RBM6: variants seen among roughly 807,000 people sequenced by gnomAD.
RBM6 encodes the protein RNA-binding protein 6.
RBM6 carries 23 observed loss-of-function variants against 140.4 expected under a neutral mutation model. That is an observed-to-expected ratio of 0.16 (90% confidence interval 0.12 to 0.23). The LOEUF (loss-of-function observed/expected upper bound fraction) is 0.23, where lower values mean the gene tolerates loss of function less well. Among genes scored for constraint, RBM6 ranks in the 10% least tolerant of loss-of-function variants. The probability of loss-of-function intolerance (pLI) is 1.00; values close to 1 mark genes in which losing one functional copy is unlikely to be tolerated. For missense variants in RBM6, 1,139 were observed against 1,386.7 expected (o/e 0.82, Z 2.84); for synonymous variants, 439 against 475.6 (o/e 0.92, Z 1.00).
At chr3:49,942,944 C>T (rs2083351036) in intron 1 of RBM6, among the ~76,000 whole-genome samples, 1 of 152,164 alleles carries the variant, frequency 6.6e-6, no homozygotes, top group South Asian at 2.1e-4. Context: ...TACTTTGTGT[C>T]TGTCTGTGAG....
intron 4 of RBM6, 132 bp from the exon 5 acceptor site, chr3:49,975,191 T>C: frequency 1.3e-6 from 1 of 756,770 alleles, no homozygotes; most frequent in Non-Finnish European, 2.3e-6. Flanking sequence ...CCTTGAGTGT[T>C]CATAGTTTAA....
intron 19 of RBM6, among the ~76,000 whole-genome samples, chr3:50,072,081 C>CAAA (rs2090318555): frequency 1.1e-5 from 1 of 89,880 alleles, no homozygotes; most frequent in Non-Finnish European, 2.1e-5. Flanking sequence ...AAGACTCTGT[C>CAAA]TCAAAAAAAA....
At chr3:49,979,438 G>GTTTTTTTTT (rs35205938) in intron 5 of RBM6, among the ~76,000 whole-genome samples, 2 of 124,568 alleles carry the variant, frequency 1.6e-5, no homozygotes, top group African/African-American at 3.0e-5. Flanking sequence ...TGCTTACTTT[G>GTTTTTTTTT]TTTTTTTTTT....
At chr3:50,071,454 G>A (rs1447378640) in intron 19 of RBM6, among the ~76,000 whole-genome samples, 1 of 152,180 alleles carries the variant, frequency 6.6e-6, no homozygotes, top group Non-Finnish European at 1.5e-5. Context: ...AGAGACTAAT[G>A]CATTATGCAA....
At chr3:50,050,922 G>A (rs1222794628) in intron 7 of RBM6, among the ~76,000 whole-genome samples, 1 of 151,806 alleles carries the variant, frequency 6.6e-6, no homozygotes, top group East Asian at 1.9e-4. Context: ...ATGTATTTTT[G>A]TTGTTGAGTT....
intron 5 of RBM6, among the ~76,000 whole-genome samples, chr3:49,979,509 G>A (rs183068431): frequency 4.8e-5 from 7 of 146,302 alleles, no homozygotes; most frequent in Non-Finnish European, 8.9e-5. Context: ...GCATGACCTC[G>A]GCTCACTGCA....
At chr3:49,943,569 G>A (rs987763542) in intron 1 of RBM6, among the ~76,000 whole-genome samples, 4 of 151,928 alleles carry the variant, frequency 2.6e-5, no homozygotes, top group South Asian at 2.1e-4. Flanking sequence ...TTGGCCTCCC[G>A]AAGTGCTGGC....
chr3:50,075,368 C>T, intron 20 of RBM6, 38 bp downstream of exon 20: 14 of 1,598,836 alleles, frequency 8.8e-6, no homozygotes, highest in Non-Finnish European at 1.2e-5. Context: ...TGACATGAAC[C>T]TGGAATGTAA....
At chr3:50,004,310 C>T (rs375720981) in intron 6 of RBM6, among the ~76,000 whole-genome samples, 2 of 139,048 alleles carry the variant, frequency 1.4e-5, no homozygotes, top group African/African-American at 5.6e-5. Flanking sequence ...CTCCCCTCCC[C>T]CCCCTCCCCT....
intron 15 of RBM6, among the ~76,000 whole-genome samples, chr3:50,062,542 C>T (rs1000020590): frequency 6.6e-6 from 1 of 151,866 alleles, no homozygotes; most frequent in African/African-American, 2.4e-5. Context: ...GTATTTTTAC[C>T]TGGTGTAGGC....
intron 5 of RBM6, among the ~76,000 whole-genome samples, chr3:49,978,208 C>G (rs1201821772): frequency 6.6e-6 from 1 of 152,074 alleles, no homozygotes; most frequent in Non-Finnish European, 1.5e-5. Context: ...ACTATGTTTC[C>G]CAGGCTGGTC....
intron 6 of RBM6, among the ~76,000 whole-genome samples, chr3:50,026,737 C>CTA (rs2087849063): frequency 6.6e-6 from 1 of 151,660 alleles, no homozygotes; most frequent in Non-Finnish European, 1.5e-5. Flanking sequence ...CATGGTGAAT[C>CTA]CCCATATCTA....
At chr3:50,054,972 C>T (rs1028759815) in intron 8 of RBM6, among the ~76,000 whole-genome samples, 6 of 152,160 alleles carry the variant, frequency 3.9e-5, no homozygotes, top group Admixed American at 1.3e-4. Flanking sequence ...TATAGGCGCC[C>T]ACCACCATGC....
chr3:50,048,349 G>A, intron 7 of RBM6, 30 bp downstream of exon 7: 1 of 1,601,772 alleles, frequency 6.2e-7, no homozygotes, highest in Non-Finnish European at 8.5e-7. Flanking sequence ...TTCTTTAGAA[G>A]TAAGTATCTG....
intron 6 of RBM6, among the ~76,000 whole-genome samples, chr3:50,012,434 T>G (rs2086896409): frequency 6.6e-6 from 1 of 151,326 alleles, no homozygotes; most frequent in African/African-American, 2.4e-5. Flanking sequence ...CTCAGCTCAC[T>G]GCAACCTCCA....
chr3:49,945,855 C>T (rs1371526842), intron 1 of RBM6, among the ~76,000 whole-genome samples: 2 of 136,022 alleles, frequency 1.5e-5, no homozygotes, highest in African/African-American at 5.7e-5. Context: ...GCACTCCAGC[C>T]TGGGCGACAG....
chr3:49,985,524 C>T (rs1281557150), intron 5 of RBM6, among the ~76,000 whole-genome samples: 1 of 152,130 alleles, frequency 6.6e-6, no homozygotes, highest in African/African-American at 2.4e-5. Flanking sequence ...CTTCTTAGGA[C>T]TAGATAGTGG....
chr3:49,957,647 T>G (rs1032871492), intron 1 of RBM6, among the ~76,000 whole-genome samples: 1 of 152,142 alleles, frequency 6.6e-6, no homozygotes, highest in African/African-American at 2.4e-5. Context: ...TCCTTTCTCT[T>G]CCCTTTTCTG....
chr3:49,971,418 C>G (rs1310580233), intron 3 of RBM6, among the ~76,000 whole-genome samples: 1 of 151,180 alleles, frequency 6.6e-6, no homozygotes, highest in African/African-American at 2.4e-5. Flanking sequence ...GCACTCCAGC[C>G]TGGGCGACAG....
Sources: allele counts gnomAD v4.1 joint callset (sites outside exome capture counted in the v4.1 genomes callset), GRCh38; gene constraint gnomAD v4.1.1; transcripts MANE v1.5; gene names NCBI Gene and HGNC (gene_info 2026-07-23, HGNC 2026-07-21).